HSF2BP: variants seen among roughly 807,000 people sequenced by gnomAD.
HSF2BP encodes heat shock transcription factor 2 binding protein.
HSF2BP carries 35 observed loss-of-function variants against 35.0 expected under a neutral mutation model. The observed-to-expected ratio is 1.00, with a 90% CI of 0.76 to 1.32. HSF2BP has a LOEUF of 1.32. Ranked by LOEUF, HSF2BP falls within the 40% of genes most tolerant of loss-of-function variation. The pLI, the probability that HSF2BP is intolerant of heterozygous loss-of-function variation, is 0.00. For missense variants in HSF2BP, 326 were observed against 321.7 expected (o/e 1.01, Z -0.10); for synonymous variants, 114 against 117.4 (o/e 0.97, Z 0.18).
At chr21:43,645,389 C>T (rs1489113800) in intron 3 of HSF2BP, among the ~76,000 whole-genome samples, 6 of 152,202 alleles carry the variant, frequency 3.9e-5, no homozygotes, top group Admixed American at 1.3e-4. Context: ...CTGGGACCCA[C>T]ACTTTGAGAA....
chr21:43,650,928 G>A lies in HSF2BP; in HGVS notation c.187+5659C>T, dbSNP rs554778469. ...TCACCTTGTCGGCCAGTCTGGTCTC[G>A]AACTCCTGACCTCAAGTGATCTGCC... is the stretch of plus-strand genomic sequence containing the variant. On this transcript the variant is annotated intron_variant, in intron 3 of 8. Coordinates refer to ENST00000291560, the MANE Select transcript of HSF2BP (RefSeq NM_007031.2). Among the ~76,000 whole-genome samples, 7 of 151,810 alleles carry A rather than the reference G, an allele frequency of 4.6e-5. No homozygotes were observed. The South Asian group carries it at 6.2e-4, about 14-fold the overall frequency.
At chr21:43,650,163 G>A (rs1053618970) in intron 3 of HSF2BP, among the ~76,000 whole-genome samples, 3 of 152,076 alleles carry the variant, frequency 2.0e-5, no homozygotes, top group African/African-American at 7.2e-5. Flanking sequence ...ATACCCAGAA[G>A]ATACAGTTTT....
intron 4 of HSF2BP, among the ~76,000 whole-genome samples, chr21:43,635,136 TAAG>T (rs926338389): frequency 6.7e-6 from 1 of 149,734 alleles, no homozygotes; most frequent in Admixed American, 6.6e-5. Flanking sequence ...ACATCAAAAA[TAAG>T]AATAATTTTT....
chr21:43,614,861 T>C (rs2082251718), intron 6 of HSF2BP, among the ~76,000 whole-genome samples: 1 of 152,230 alleles, frequency 6.6e-6, no homozygotes, highest in Non-Finnish European at 1.5e-5. Flanking sequence ...CTTTTAGCCA[T>C]GATACAAACT....
intron 7 of HSF2BP, among the ~76,000 whole-genome samples, chr21:43,607,455 A>G (rs2082149276): frequency 6.6e-6 from 1 of 152,218 alleles, no homozygotes; most frequent in African/African-American, 2.4e-5. Flanking sequence ...CATAGATGAC[A>G]CAACTGGAAA....
At chr21:43,605,346 G>T (rs2082119530) in intron 7 of HSF2BP, among the ~76,000 whole-genome samples, 1 of 136,932 alleles carries the variant, frequency 7.3e-6, no homozygotes, top group Non-Finnish European at 1.6e-5. Context: ...GGCTGAAAGA[G>T]CCCACAAACA....
At chr21:43,467,940 CACACCACACACACCACACTT>C in the HSF2BP span, among the ~76,000 whole-genome samples, 4 of 104,258 alleles carry the variant, frequency 3.8e-5, 1 homozygote, top group Non-Finnish European at 8.2e-5. Flanking sequence ...ACCACACACA[CACACCACACACACCACACTT>C]ACACCACACA....
intron 6 of HSF2BP, among the ~76,000 whole-genome samples, chr21:43,614,664 C>T (rs1360301377): frequency 6.6e-6 from 1 of 152,102 alleles, no homozygotes; most frequent in African/African-American, 2.4e-5. Context: ...CCAAAATGCT[C>T]CAAAATCTAA....
intron 7 of HSF2BP, among the ~76,000 whole-genome samples, chr21:43,596,020 AG>A (rs1232381167): frequency 1.3e-5 from 2 of 152,018 alleles, no homozygotes; most frequent in Non-Finnish European, 2.9e-5. Flanking sequence ...ACGCCCGGCA[AG>A]GCTAAATATT....
chr21:43,598,958 A>G (rs1396634872), intron 7 of HSF2BP, among the ~76,000 whole-genome samples: 1 of 152,212 alleles, frequency 6.6e-6, no homozygotes, highest in Non-Finnish European at 1.5e-5. Flanking sequence ...CGACCCCAAG[A>G]GCCTAAAATA....
In HSF2BP at chr21:43,658,183, C is replaced by T; in HGVS notation, c.-87G>A. 7.1e-7 allele frequency: 1 copy of T among 1,398,624 alleles called. No individual in the cohort carries two copies. The highest frequency in any genetic ancestry group is 9.4e-7 in the Non-Finnish European group (1 of 1,063,054). The allele number at this position is 1,398,624 out of a possible 1,614,324, so 86.6% of individuals were successfully genotyped here. A position where few individuals can be genotyped will look rare whatever the true frequency, so the allele number is the denominator to read the frequency against. ...AGAAAGCGCGGGAACGAATCCACGC[C>T]GGGGGTCGGGAACGGAGAGCCGCCA... is the stretch of plus-strand genomic sequence containing the variant. On this transcript the variant is annotated 5_prime_UTR_variant, in exon 2 of 9. Coordinates refer to ENST00000291560, the MANE Select transcript of HSF2BP (RefSeq NM_007031.2).
intron 7 of HSF2BP, among the ~76,000 whole-genome samples, chr21:43,613,584 A>C (rs540537444): frequency 6.6e-6 from 1 of 152,332 alleles, no homozygotes; most frequent in South Asian, 2.1e-4. Context: ...TGACATACCC[A>C]TGAAGTACCA....
At chr21:43,612,370 G>A (rs905582445) in intron 7 of HSF2BP, among the ~76,000 whole-genome samples, 2 of 152,194 alleles carry the variant, frequency 1.3e-5, no homozygotes, top group Non-Finnish European at 1.5e-5. Flanking sequence ...AAAAGTGCTA[G>A]GCCGGGCGCA....
At chr21:43,644,486 T>A in intron 3 of HSF2BP, 94 bp from the exon 4 acceptor site, 1 of 881,438 alleles carries the variant, frequency 1.1e-6, no homozygotes, top group Non-Finnish European at 1.9e-6. Context: ...GTAAAATGTG[T>A]ACTGATTTCT....
intron 7 of HSF2BP, chr21:43,609,984 T>C (rs1601662797): frequency 6.6e-6 from 1 of 152,396 alleles, no homozygotes; most frequent in Non-Finnish European, 1.5e-5. Context: ...AGGCTAGAAG[T>C]GACCCAGCCC....
At chr21:43,572,981 A>G (rs920928242) in intron 8 of HSF2BP, among the ~76,000 whole-genome samples, 4 of 152,254 alleles carry the variant, frequency 2.6e-5, no homozygotes, top group African/African-American at 9.6e-5. Context: ...TGTGAGAGTG[A>G]GAAGTTTCCC....
chr21:43,642,620 T>C (rs1055830740), intron 4 of HSF2BP, among the ~76,000 whole-genome samples: 3 of 152,104 alleles, frequency 2.0e-5, no homozygotes, highest in Non-Finnish European at 4.4e-5. Context: ...CTTCCCTCTA[T>C]ATTAAATTGG....
Position 43,597,040 on chromosome 21 carries a change from G to C in HSF2BP, c.693-4712C>G, listed in dbSNP as rs1021132439. ...AAACCACAGAGTCCAGGGTCACCAG[G>C]GTGGAAAGAAAGGGAAGAAGATACC... On this transcript the variant is annotated intron_variant, in intron 7 of 8. Transcript: ENST00000291560. This position sits in a 1 kb window ranked among gnomAD's most constrained non-coding sequence, Gnocchi z 4.3. 2.0e-5 allele frequency among the ~76,000 whole-genome samples: 3 copies of C among 152,128 alleles called. No individual in the cohort carries two copies. Among genetic ancestry groups the C allele is most frequent in the African/African-American group, 4.8e-5 (2 of 41,410 alleles).
chr21:43,499,666 T>C, the HSF2BP span, among the ~76,000 whole-genome samples: 2 of 94,330 alleles, frequency 2.1e-5, no homozygotes, highest in Non-Finnish European at 4.9e-5. Context: ...GGAAATCACC[T>C]ATGGGGAAGT....
Sources: allele counts gnomAD v4.1 joint callset (sites outside exome capture counted in the v4.1 genomes callset), GRCh38; gene constraint gnomAD v4.1.1; non-coding constraint Gnocchi (gnomAD v3.1); transcripts MANE v1.5; gene names NCBI Gene and HGNC (gene_info 2026-07-23, HGNC 2026-07-21).